Variants in CPE observed in about 807,000 individuals in gnomAD.
CPE encodes the protein carboxypeptidase E.
In CPE, 17 loss-of-function variants were observed where a neutral mutation model predicts 53.5. The observed-to-expected ratio is 0.32, with a 90% CI of 0.22 to 0.48. CPE has a LOEUF of 0.48. Among genes scored for constraint, CPE ranks in the 20% least tolerant of loss-of-function variants. The pLI is 0.99. For missense variants in CPE, 524 were observed against 614.7 expected (o/e 0.85, Z 1.56); for synonymous variants, 226 against 228.8 (o/e 0.99, Z 0.11).
At chr4:165,497,128 G>A (rs555918797) in intron 8 of CPE, among the ~76,000 whole-genome samples, 1 of 152,164 alleles carries the variant, frequency 6.6e-6, no homozygotes, top group Non-Finnish European at 1.5e-5. Context: ...CACCATGTTG[G>A]TCAGGCGGGC....
chr4:165,453,230 T>G (rs1409181980), intron 1 of CPE, among the ~76,000 whole-genome samples: 2 of 152,154 alleles, frequency 1.3e-5, no homozygotes, highest in Non-Finnish European at 2.9e-5. Context: ...AGTGCTAGGA[T>G]GAAGGCATGA....
intron 3 of CPE, among the ~76,000 whole-genome samples, chr4:165,468,583 A>C (rs1732147845): frequency 6.6e-6 from 1 of 152,038 alleles, no homozygotes; most frequent in South Asian, 2.1e-4. Flanking sequence ...TGATTTTTCC[A>C]TCTCTGTCAC....
chr4:165,491,951 G>A (rs1732614118), intron 6 of CPE, among the ~76,000 whole-genome samples: 1 of 152,160 alleles, frequency 6.6e-6, no homozygotes, highest in Non-Finnish European at 1.5e-5. Flanking sequence ...GCATTTGGGA[G>A]GTTGGTGCAT....
At chr4:165,429,847 T>G (rs1731380295) in intron 1 of CPE, among the ~76,000 whole-genome samples, 1 of 137,726 alleles carries the variant, frequency 7.3e-6, no homozygotes, top group African/African-American at 2.7e-5. Flanking sequence ...TATGCTGTGC[T>G]TGTGCTTTTT....
At chr4:165,460,128 GT>G (rs796927137) in intron 1 of CPE, among the ~76,000 whole-genome samples, 4 of 151,852 alleles carry the variant, frequency 2.6e-5, no homozygotes, top group Admixed American at 1.3e-4. Context: ...TTAAACCTGT[GT>G]TTTTTTCTTC....
chr4:165,422,369 TAA>T (rs933672854), intron 1 of CPE, among the ~76,000 whole-genome samples: 1 of 151,992 alleles, frequency 6.6e-6, no homozygotes. Flanking sequence ...CTCTTTACAA[TAA>T]AAAATTGTTT....
intron 1 of CPE, among the ~76,000 whole-genome samples, chr4:165,399,807 A>G (rs898170249): frequency 6.6e-6 from 1 of 152,196 alleles, no homozygotes; most frequent in Admixed American, 6.5e-5. Context: ...TGGAGGACAC[A>G]TTTAATAAGG....
chr4:165,471,383 A>G (rs1732203937), intron 3 of CPE, among the ~76,000 whole-genome samples: 1 of 152,208 alleles, frequency 6.6e-6, no homozygotes, highest in Non-Finnish European at 1.5e-5. Flanking sequence ...ATACCAAGTT[A>G]TTAGATTATA....
At chr4:165,447,121 G>A (rs1731729689) in intron 1 of CPE, among the ~76,000 whole-genome samples, 1 of 152,304 alleles carries the variant, frequency 6.6e-6, no homozygotes, top group African/African-American at 2.4e-5. Context: ...ATTAAAAATG[G>A]TACACCTGTA....
chr4:165,438,738 T>A (rs1401898680), intron 1 of CPE, among the ~76,000 whole-genome samples: 9 of 152,174 alleles, frequency 5.9e-5, no homozygotes, highest in Non-Finnish European at 1.3e-4. Flanking sequence ...TAGTGGGTAG[T>A]AAGGATTGTA....
chr4:165,480,352 TG>T (rs1347114428), intron 3 of CPE, among the ~76,000 whole-genome samples: 1 of 152,258 alleles, frequency 6.6e-6, no homozygotes, highest in Non-Finnish European at 1.5e-5. Context: ...GCTTAGCTTT[TG>T]GTCAAGTCAT....
rs775906709 is a variant in CPE at position 165,487,421 on chromosome 4, A to T, written c.974-17A>T. 1 of 1,613,274 alleles carries T rather than the reference A, an allele frequency of 6.2e-7. No homozygotes were observed. Among genetic ancestry groups the T allele is most frequent in the East Asian group, 2.2e-5 (1 of 44,860 alleles). ...CTCCTTGTGCATATTTTGACTTTCC[A>T]TTTGGTGTTTTGGCAGGGATGCAAG... On this transcript the variant is annotated splice_polypyrimidine_tract_variant and intron_variant, in intron 5 of 8. Coordinates refer to ENST00000402744, the MANE Select transcript of CPE (RefSeq NM_001873.4).
At chr4:165,401,389 G>T (rs1730865637) in intron 1 of CPE, among the ~76,000 whole-genome samples, 1 of 152,170 alleles carries the variant, frequency 6.6e-6, no homozygotes, top group Non-Finnish European at 1.5e-5. Context: ...ATAAGTGATA[G>T]TCAACATGTG....
chr4:165,490,025 T>C lies in CPE; in HGVS notation c.1113+2448T>C, dbSNP rs1732573376. Among the ~76,000 whole-genome samples, 3 of 152,186 alleles carry C rather than the reference T, an allele frequency of 2.0e-5. No homozygotes were observed. The South Asian group carries it at 6.2e-4, about 31-fold the overall frequency. Reference sequence around the variant, plus strand: ...TCCAGTTTAGGAAAACAAAGGCTGATGAAAAATCAGTGAGGGCTGCCAGAA... The same window carrying C: ...TCCAGTTTAGGAAAACAAAGGCTGACGAAAAATCAGTGAGGGCTGCCAGAA... On this transcript the variant is annotated intron_variant, in intron 6 of 8. Coordinates refer to ENST00000402744, the MANE Select transcript of CPE (RefSeq NM_001873.4).
At chr4:165,411,884 G>A (rs1443646823) in intron 1 of CPE, among the ~76,000 whole-genome samples, 1 of 152,190 alleles carries the variant, frequency 6.6e-6, no homozygotes, top group Non-Finnish European at 1.5e-5. Context: ...GAAGGAATGG[G>A]AAGAAGGGTA....
intron 3 of CPE, among the ~76,000 whole-genome samples, chr4:165,478,560 A>G (rs1018234746): frequency 2.6e-5 from 4 of 152,224 alleles, no homozygotes; most frequent in African/African-American, 9.6e-5. Context: ...TGCAAAATTC[A>G]TATTTTATTA....
At chr4:165,414,102 A>G (rs1046293708) in intron 1 of CPE, among the ~76,000 whole-genome samples, 2 of 152,242 alleles carry the variant, frequency 1.3e-5, no homozygotes, top group Admixed American at 6.5e-5. Flanking sequence ...ATAATAAACC[A>G]AAAATAAAAT....
intron 1 of CPE, among the ~76,000 whole-genome samples, chr4:165,426,899 G>A (rs188744836): frequency 1.3e-5 from 2 of 152,302 alleles, no homozygotes; most frequent in Admixed American, 1.3e-4. Context: ...AAAGCTCTTC[G>A]AGGCAGAGAG....
At position 165,379,193 on chromosome 4, in the gene CPE, G is replaced by C. The variant is rs1730459313; in HGVS notation, c.-29G>C. 11 of 1,223,568 alleles carry C rather than the reference G, an allele frequency of 9.0e-6. No homozygotes were observed. The highest frequency in any genetic ancestry group is 1.1e-5 in the Non-Finnish European group (11 of 984,470). 75.8% of individuals were successfully genotyped at this position (1,223,568 alleles called of 1,614,324 possible). A position where few individuals can be genotyped will look rare whatever the true frequency, so the allele number is the denominator to read the frequency against. Reference sequence around the variant, plus strand: ...ACAAAAGAGGCCGCCCGCGTAGGAAGGCACGGCCGGCGGCGGCGGAGCGCA... The same window carrying C: ...ACAAAAGAGGCCGCCCGCGTAGGAACGCACGGCCGGCGGCGGCGGAGCGCA... On this transcript the variant is annotated 5_prime_UTR_variant, in exon 1 of 9. Coordinates refer to ENST00000402744, the MANE Select transcript of CPE (RefSeq NM_001873.4). This position sits in a 1 kb window ranked among gnomAD's most constrained non-coding sequence, Gnocchi z 6.0.
Sources: gnomAD v4.1 joint callset for allele counts (sites outside exome capture counted in the v4.1 genomes callset) on GRCh38, gnomAD v4.1.1 for gene constraint, Gnocchi (gnomAD v3.1) non-coding constraint, MANE v1.5 for transcripts, NCBI Gene and HGNC (gene_info 2026-07-23, HGNC 2026-07-21) for gene names.